Variants in SBF2 observed in about 807,000 individuals in gnomAD.
SBF2 encodes SET binding factor 2.
A neutral mutation model predicts 225.2 loss-of-function variants in SBF2; 112 were observed. That is an observed-to-expected ratio of 0.50 (90% CI 0.43 to 0.58). The LOEUF (loss-of-function observed/expected upper bound fraction) is 0.58. SBF2 is among the 20% of genes least tolerant of loss of function. The pLI is 0.00. For synonymous variants in SBF2, 763 were observed against 773.3 expected (o/e 0.99, Z 0.22); for missense variants, 1,996 against 2,206.2 (o/e 0.90, Z 1.91).
At chr11:10,139,257 A>T (rs930129122) in intron 2 of SBF2, among the ~76,000 whole-genome samples, 6 of 152,160 alleles carry the variant, frequency 3.9e-5, no homozygotes, top group Non-Finnish European at 8.8e-5. Context: ...ATCATATACA[A>T]AGGATTGTGG....
At chr11:10,002,779 C>T (rs1290674748) in intron 6 of SBF2, 90 bp from the exon 7 acceptor site, 21 of 1,296,694 alleles carry the variant, frequency 1.6e-5, no homozygotes, top group Non-Finnish European at 2.1e-5. Context: ...AAGAAAAAGC[C>T]AGTAATTTTG....
At chr11:10,142,622 A>G (rs1161547684) in intron 2 of SBF2, among the ~76,000 whole-genome samples, 2 of 152,220 alleles carry the variant, frequency 1.3e-5, no homozygotes, top group East Asian at 1.9e-4. Flanking sequence ...ATAGGATATA[A>G]TTCTATAAAA....
rs1337364562 is a variant in SBF2 at position 10,133,417 on chromosome 11, G to A, written c.141+60485C>T. Reference sequence around the variant, plus strand: ...CCCATGGAGTGGGTGGGAGGCTTAGGCATGGCGGGCTGCAGGTCCCGAGCC... The same window carrying A: ...CCCATGGAGTGGGTGGGAGGCTTAGACATGGCGGGCTGCAGGTCCCGAGCC... On this transcript the variant is annotated intron_variant, in intron 2 of 39. Coordinates refer to ENST00000256190, the MANE Select transcript of SBF2 (RefSeq NM_030962.4). Among the ~76,000 whole-genome samples the A allele has an allele frequency of 3.4e-5, 5 of 149,088 alleles. 1 individual carries two copies. Among genetic ancestry groups the A allele is most frequent in the Non-Finnish European group, 7.4e-5 (5 of 67,330 alleles).
At chr11:10,068,400 C>G (rs1053586034) in intron 2 of SBF2, among the ~76,000 whole-genome samples, 1 of 152,180 alleles carries the variant, frequency 6.6e-6, no homozygotes, top group East Asian at 1.9e-4. Context: ...ATTTTAACCA[C>G]TTTCAGAGCT....
At chr11:10,233,130 A>C (rs776384555) in intron 1 of SBF2, among the ~76,000 whole-genome samples, 24 of 152,218 alleles carry the variant, frequency 1.6e-4, no homozygotes, top group Non-Finnish European at 2.8e-4. Flanking sequence ...TTAGATTTTT[A>C]GTACTAATTT....
At chr11:10,038,214 A>T (rs1949522279) in intron 3 of SBF2, among the ~76,000 whole-genome samples, 1 of 152,038 alleles carries the variant, frequency 6.6e-6, no homozygotes, top group African/African-American at 2.4e-5. Context: ...AGACAGAATC[A>T]ATCAAGCACT....
At chr11:9,793,662 A>C (rs1325371483) in intron 33 of SBF2, among the ~76,000 whole-genome samples, 4 of 151,972 alleles carry the variant, frequency 2.6e-5, no homozygotes, top group African/African-American at 9.7e-5. Context: ...AAGTGCTGGG[A>C]TTACAGGCGT....
intron 28 of SBF2, among the ~76,000 whole-genome samples, chr11:9,820,883 C>T (rs1229394798): frequency 1.3e-5 from 2 of 152,328 alleles, no homozygotes; most frequent in East Asian, 3.9e-4. Flanking sequence ...TGTTCCTAAA[C>T]AAACAGCTAC....
chr11:10,031,127 C>T lies in SBF2; in HGVS notation c.323G>A (p.Gly108Asp). 6.2e-7 allele frequency: 1 copy of T among 1,613,532 alleles called. No homozygotes were observed. The highest frequency in any genetic ancestry group is 8.5e-7 in the Non-Finnish European group (1 of 1,179,674). The change falls in exon 4 of 40, where the codon GGT (glycine) becomes GAT (aspartate). Residue 108 changes from glycine (G) to aspartate (D), a missense_variant. Coordinates refer to ENST00000256190, the MANE Select transcript of SBF2 (RefSeq NM_030962.4). ...AAACACTTCTGCAGGCTGAATTAAA[C>T]CAGACACTTTTGCTTCACCTTCAAT... The part of the protein sequence containing the change: ...EEIEGEAKVS[G>D]LIQPAEVFAP...
At chr11:9,928,239 A>T (rs1466703183) in intron 16 of SBF2, among the ~76,000 whole-genome samples, 1 of 152,206 alleles carries the variant, frequency 6.6e-6, no homozygotes, top group Non-Finnish European at 1.5e-5. Flanking sequence ...GAATATAAAA[A>T]TTTTTCCAAA....
chr11:10,177,470 A>T (rs1451935575), intron 2 of SBF2, among the ~76,000 whole-genome samples: 2 of 150,722 alleles, frequency 1.3e-5, no homozygotes, highest in African/African-American at 2.5e-5. Flanking sequence ...AATCTCCTTA[A>T]GCTGATAAGC....
At chr11:10,229,262 A>T (rs1958719279) in intron 1 of SBF2, among the ~76,000 whole-genome samples, 1 of 152,054 alleles carries the variant, frequency 6.6e-6, no homozygotes. Context: ...CTTTTCAAAA[A>T]ACCAGCTCCT....
At chr11:10,112,935 TA>T (rs1465923385) in intron 2 of SBF2, among the ~76,000 whole-genome samples, 25 of 152,252 alleles carry the variant, frequency 1.6e-4, no homozygotes, top group Non-Finnish European at 7.3e-5. Context: ...GAATTATTTC[TA>T]AAAAGTAACA....
In SBF2 at chr11:10,108,621, T is replaced by C. The variant is rs1590973185; in HGVS notation, c.142-65640A>G. 2.8e-5 allele frequency among the ~76,000 whole-genome samples: 4 copies of C among 142,744 alleles called. No individual in the cohort carries two copies. In the Admixed American group the frequency reaches 3.0e-4, roughly 11 times the overall value. The allele number at this position is 142,744 out of a possible 152,430, so 93.6% of individuals were successfully genotyped here. On this transcript the variant is annotated intron_variant, in intron 2 of 39. Coordinates refer to ENST00000256190, the MANE Select transcript of SBF2 (RefSeq NM_030962.4). ...CTCACTGCAAGCTCCGCCTCCCGGG[T>C]TCATGCCATTCTCCTGCCTCAGCCT...
intron 6 of SBF2, among the ~76,000 whole-genome samples, chr11:10,015,149 T>A (rs1948604607): frequency 6.6e-6 from 1 of 151,986 alleles, no homozygotes; most frequent in Non-Finnish European, 1.5e-5. Flanking sequence ...ATAATAATAA[T>A]AATAAAATAA....
chr11:9,930,963 G>A (rs1458835616), intron 16 of SBF2, among the ~76,000 whole-genome samples: 2 of 152,252 alleles, frequency 1.3e-5, no homozygotes. Context: ...TGCCAGGCTT[G>A]GCTGGTCCCA....
In SBF2 at chr11:9,869,539, G is replaced by A. The variant is rs540862506; in HGVS notation, c.1930-11143C>T. On this transcript the variant is annotated intron_variant, in intron 17 of 39. Transcript: ENST00000256190. ...TCGCCATGTTGGCCAGGCTAGTCAC[G>A]GTTCAACATATGCAGATCAATAAAT... Among the ~76,000 whole-genome samples the A allele has an allele frequency of 5.9e-5, 9 of 151,976 alleles. No homozygotes were observed. The South Asian group carries it at 1.7e-3, about 28-fold the overall frequency.
chr11:10,259,783 A>C (rs1465354078), intron 1 of SBF2, among the ~76,000 whole-genome samples: 2 of 152,160 alleles, frequency 1.3e-5, no homozygotes, highest in Non-Finnish European at 2.9e-5. Context: ...CTACTTTATA[A>C]AATAAAAAAT....
Position 9,933,582 on chromosome 11 carries a change from G to A in SBF2, c.1860+28375C>T, listed in dbSNP as rs149647510. Among the ~76,000 whole-genome samples, 581 of 152,270 alleles carry A rather than the reference G, an allele frequency of 3.8e-3. 2 individuals are homozygous for A. Among genetic ancestry groups the A allele is most frequent in the African/African-American group, 0.013 (555 of 41,556 alleles). On this transcript the variant is annotated intron_variant, in intron 16 of 39. Coordinates refer to ENST00000256190, the MANE Select transcript of SBF2 (RefSeq NM_030962.4). ...CTACTGGGTACATAACGAAATGAAGGCAGAAATAAAGATGTTTTTTGAAAC... is the reference window on the plus strand; with the variant it reads ...CTACTGGGTACATAACGAAATGAAGACAGAAATAAAGATGTTTTTTGAAAC...
Sources: gnomAD v4.1 joint callset for allele counts (sites outside exome capture counted in the v4.1 genomes callset) on GRCh38, gnomAD v4.1.1 for gene constraint, MANE v1.5 for transcripts, NCBI Gene and HGNC (gene_info 2026-07-23, HGNC 2026-07-21) for gene names.